The following IL2RA variants were observed in gnomAD, a reference collection of about 807,000 sequenced individuals.
The protein encoded by IL2RA is interleukin-2 receptor subunit alpha.
Under a neutral mutation model 37.8 loss-of-function variants are expected in IL2RA, and 24 were observed. The observed-to-expected ratio is 0.63, with a 90% CI of 0.46 to 0.89. IL2RA has a LOEUF of 0.89. IL2RA is among the 40% of genes least tolerant of loss of function. The pLI, the probability that IL2RA is intolerant of heterozygous loss-of-function variation, is 0.00. For synonymous variants in IL2RA, 125 were observed against 114.6 expected, an observed-to-expected ratio of 1.09 and a Z score of -0.58; for missense variants, 319 against 348.6, an observed-to-expected ratio of 0.92 and a Z score of 0.68.
rs1031136196 is a variant in IL2RA, at chr10:6,022,792, C to A, written c.368-1099G>T. ...AAACTGAGACAATCTTTGAAACATC[C>A]CTCAGGCAGAGCCAGCCTTCGAGAA... On this transcript the variant is annotated intron_variant, in intron 3 of 7. Coordinates refer to ENST00000379959, the MANE Select transcript of IL2RA (RefSeq NM_000417.3). The surrounding 1 kb of genome is among the most constrained non-coding windows in gnomAD (Gnocchi z 4.7). Among the ~76,000 whole-genome samples the A allele has an allele frequency of 8.6e-6, 1 of 115,832 alleles. No homozygotes were observed. Among genetic ancestry groups the A allele is most frequent in the Admixed American group, 9.2e-5 (1 of 10,860 alleles). 76.0% of individuals were successfully genotyped at this position (115,832 alleles called of 152,430 possible).
intron 2 of IL2RA, 62 bp from the exon 3 acceptor site, chr10:6,024,416 C>A: frequency 8.3e-7 from 1 of 1,202,308 alleles, no homozygotes; most frequent in South Asian, 1.2e-5. Flanking sequence ...AAACACTGTT[C>A]ATGTATTCAT....
At position 6,060,630 on chromosome 10, in the gene IL2RA, A is replaced by T. The variant is rs1237794536; in HGVS notation, c.64+1458T>A. 2.6e-5 allele frequency among the ~76,000 whole-genome samples: 4 copies of T among 152,010 alleles called. No individual in the cohort carries two copies. The East Asian group carries it at 7.7e-4, about 29-fold the overall frequency. On this transcript the variant is annotated intron_variant, in intron 1 of 7. Transcript: ENST00000379959. ...ATTAGCTGGTCGTGGTGGTGCACGC[A>T]CCTGTAAACCTAGCTACTCAGGAGT... is the stretch of plus-strand genomic sequence containing the variant.
In IL2RA at chr10:6,058,947, G is replaced by T. The variant is rs1026104603; in HGVS notation, c.64+3141C>A. ...TAAATGGTGGCTTTGGAAATTTTCA[G>T]AATGAAAATCTGCCCTTATGAATCA... On this transcript the variant is annotated intron_variant, in intron 1 of 7. Coordinates refer to ENST00000379959, the MANE Select transcript of IL2RA (RefSeq NM_000417.3). The surrounding 1 kb of genome is among the most constrained non-coding windows in gnomAD (Gnocchi z 4.2). Among the ~76,000 whole-genome samples, 13 of 152,336 alleles carry T rather than the reference G, an allele frequency of 8.5e-5. No homozygotes were observed. The highest frequency in any genetic ancestry group is 2.9e-4 in the African/African-American group (12 of 41,562).
intron 1 of IL2RA, among the ~76,000 whole-genome samples, chr10:6,038,901 TAAATC>T (rs1303372859): frequency 4.6e-5 from 7 of 152,042 alleles, no homozygotes; most frequent in Non-Finnish European, 1.0e-4. Context: ...AAAACTTACT[TAAATC>T]AAAAGAAGGG....
intron 1 of IL2RA, among the ~76,000 whole-genome samples, chr10:6,026,342 A>G (rs1052310516): frequency 6.6e-6 from 1 of 152,230 alleles, no homozygotes; most frequent in African/African-American, 2.4e-5. Flanking sequence ...GGGTCAAGGA[A>G]TGTGAAGAAA....
rs532176979 is a variant in IL2RA at position 6,051,039 on chromosome 10, C to T, written c.64+11049G>A. Among the ~76,000 whole-genome samples, 13 of 150,810 alleles carry T rather than the reference C, an allele frequency of 8.6e-5. No homozygotes were observed. The South Asian group carries it at 2.7e-3, about 32-fold the overall frequency. ...TGTCTGGAGAGACGGCTCTTTTATTCTGAAACACCCCTCCAACTTTTTTTT... is the reference window on the plus strand; with the variant it reads ...TGTCTGGAGAGACGGCTCTTTTATTTTGAAACACCCCTCCAACTTTTTTTT... On this transcript the variant is annotated intron_variant, in intron 1 of 7. Transcript: ENST00000379959.
chr10:6,041,968 C>G (rs1430517171), intron 1 of IL2RA, among the ~76,000 whole-genome samples: 3 of 151,144 alleles, frequency 2.0e-5, no homozygotes, highest in African/African-American at 2.4e-5. Context: ...ATAAGAGAAA[C>G]TAGATCAAAA....
intron 7 of IL2RA, among the ~76,000 whole-genome samples, chr10:6,013,924 T>C (rs1051638675): frequency 1.3e-5 from 2 of 150,994 alleles, no homozygotes; most frequent in African/African-American, 4.9e-5. Flanking sequence ...CTTGAACTGC[T>C]GGACTCAAGG....
intron 1 of IL2RA, among the ~76,000 whole-genome samples, chr10:6,060,579 A>G (rs1014678288): frequency 6.6e-6 from 1 of 152,064 alleles, no homozygotes; most frequent in African/African-American, 2.4e-5. Flanking sequence ...ATATGGTGAA[A>G]CCCCATCTCT....
Position 6,012,431 on chromosome 10 carries a change from G to C in IL2RA, c.*441C>G, listed in dbSNP as rs1839204938. ...ACAATGTCCAGTTGTATAGGGTAGA[G>C]TGTGTGTGTTGTGTATTTACGTTAG... On this transcript the variant is annotated 3_prime_UTR_variant, in exon 8 of 8. Transcript: ENST00000379959. This position sits in a 1 kb window ranked among gnomAD's most constrained non-coding sequence, Gnocchi z 4.8. 1 of 238,168 alleles carries C rather than the reference G, an allele frequency of 4.2e-6. No individual in the cohort carries two copies. Among genetic ancestry groups the C allele is most frequent in the South Asian group, 6.4e-5 (1 of 15,710 alleles). The allele number at this position is 238,168 out of a possible 1,614,324, so 14.8% of individuals were successfully genotyped here. A position where few individuals can be genotyped will look rare whatever the true frequency, so the allele number is the denominator to read the frequency against.
rs1840055937 is a variant in IL2RA at position 6,056,988 on chromosome 10, G to A, written c.64+5100C>T. ...GGGCCTCTCTCCCTGGAATGTCACT[G>A]ATGGAAATTTACCAGTCCCTCAGGG... On this transcript the variant is annotated intron_variant, in intron 1 of 7. Coordinates refer to ENST00000379959, the MANE Select transcript of IL2RA (RefSeq NM_000417.3). The surrounding 1 kb of genome is among the most constrained non-coding windows in gnomAD (Gnocchi z 5.0). 6.6e-6 allele frequency among the ~76,000 whole-genome samples: 1 copy of A among 152,136 alleles called. No individual in the cohort carries two copies. The highest frequency in any genetic ancestry group is 2.4e-5 in the African/African-American group (1 of 41,410).
In IL2RA at chr10:6,011,224, T is replaced by G. The variant is rs1839186393; in HGVS notation, c.*1648A>C. The G allele has an allele frequency of 6.6e-6, 1 of 152,312 alleles. No homozygotes were observed. Among genetic ancestry groups the G allele is most frequent in the South Asian group, 2.1e-4 (1 of 4,830 alleles). 9.4% of individuals were successfully genotyped at this position (152,312 alleles called of 1,614,324 possible). A position where few individuals can be genotyped will look rare whatever the true frequency, so the allele number is the denominator to read the frequency against. On this transcript the variant is annotated 3_prime_UTR_variant, in exon 8 of 8. Transcript: ENST00000379959. The surrounding 1 kb of genome is among the most constrained non-coding windows in gnomAD (Gnocchi z 5.2). ...CTAGAATGTTGACTCAACTGATTCG[T>G]GAGGGGAGATCTTGCACCAGATATG...
Position 6,062,302 on chromosome 10 carries a change from C to T in IL2RA, c.-151G>A. ...GGGCTGTCACCCTTGTGGGTCCATC[C>T]AGTCTCTATCGGAGTCAGGAGTTGC... On this transcript the variant is annotated 5_prime_UTR_variant, in exon 1 of 8. Transcript: ENST00000379959. 2 of 666,288 alleles carry T rather than the reference C, an allele frequency of 3.0e-6. No homozygotes were observed. The highest frequency in any genetic ancestry group is 3.4e-5 in the South Asian group (2 of 58,866). The allele number at this position is 666,288 out of a possible 1,614,324, so 41.3% of individuals were successfully genotyped here. A position where few individuals can be genotyped will look rare whatever the true frequency, so the allele number is the denominator to read the frequency against.
chr10:6,036,737 T>A lies in IL2RA; in HGVS notation c.65-10712A>T, dbSNP rs530015816. 2.2e-4 allele frequency among the ~76,000 whole-genome samples: 34 copies of A among 152,266 alleles called. No individual in the cohort carries two copies. Among genetic ancestry groups the A allele is most frequent in the African/African-American group, 8.2e-4 (34 of 41,542 alleles). ...AATTTTTCCCTGAGCTATTTTTGTG[T>A]CCCTTGAGTTAACCAGAAATACCAA... is the stretch of plus-strand genomic sequence containing the variant. On this transcript the variant is annotated intron_variant, in intron 1 of 7. Transcript: ENST00000379959. The surrounding 1 kb of genome is among the most constrained non-coding windows in gnomAD (Gnocchi z 6.1).
At position 6,019,888 on chromosome 10, in the gene IL2RA, A is replaced by G; in HGVS notation, c.637T>C (p.Cys213Arg). The change falls in exon 5 of 8, where the codon TGC becomes CGC. Residue 213 changes from cysteine to arginine, a missense_variant. By Grantham distance (180) the Cys-to-Arg change is radical (BLOSUM62 -3). Coordinates refer to ENST00000379959, the MANE Select transcript of IL2RA (RefSeq NM_000417.3). ...CCCGCACCTGTTGTTGTGACGAGGC[A>G]GGAAGTCTCACTCTCAGGACGGCCT... ...PEGRPESETSCLVTTTDFQIQ... is the reference protein window; with the variant it reads ...PEGRPESETSRLVTTTDFQIQ... 1 of 1,614,120 alleles carries G rather than the reference A, an allele frequency of 6.2e-7. No individual in the cohort carries two copies. The highest frequency in any genetic ancestry group is 8.5e-7 in the Non-Finnish European group (1 of 1,179,960).
intron 1 of IL2RA, among the ~76,000 whole-genome samples, chr10:6,041,774 G>A (rs1274346882): frequency 1.3e-5 from 2 of 152,096 alleles, no homozygotes; most frequent in African/African-American, 4.8e-5. Flanking sequence ...CACATTATAT[G>A]CAGATATTTA....
intron 1 of IL2RA, among the ~76,000 whole-genome samples, chr10:6,030,898 T>C (rs1360213059): frequency 2.1e-4 from 32 of 152,032 alleles, no homozygotes; most frequent in Admixed American, 2.1e-3. Flanking sequence ...ATATAGAAAA[T>C]GGTACAATAT....
chr10:6,024,617 T>C (rs919300172), intron 2 of IL2RA, among the ~76,000 whole-genome samples: 1 of 146,914 alleles, frequency 6.8e-6, no homozygotes, highest in Non-Finnish European at 1.5e-5. Context: ...ATGTTACGTG[T>C]CTGTGTATGC....
In IL2RA at chr10:6,021,360, G is replaced by A; in HGVS notation, c.583+118C>T. On this transcript the variant is annotated intron_variant, in intron 4 of 7. Transcript: ENST00000379959. This position sits in a 1 kb window ranked among gnomAD's most constrained non-coding sequence, Gnocchi z 4.9. ...GAATGAGAAAAAATGGAAGCCCAGG[G>A]AGATCAAGGGTCTTGTCCAAGGACC... is the stretch of plus-strand genomic sequence containing the variant. The A allele has an allele frequency of 1.1e-6, 1 of 872,816 alleles. No individual in the cohort carries two copies. Among genetic ancestry groups the A allele is most frequent in the Non-Finnish European group, 1.9e-6 (1 of 519,152 alleles). The allele number at this position is 872,816 out of a possible 1,614,324, so 54.1% of individuals were successfully genotyped here.
Sources: gnomAD v4.1 joint callset for allele counts (sites outside exome capture counted in the v4.1 genomes callset) on GRCh38, gnomAD v4.1.1 for gene constraint, Gnocchi (gnomAD v3.1) non-coding constraint, MANE v1.5 for transcripts, NCBI Gene and HGNC (gene_info 2026-07-23, HGNC 2026-07-21) for gene names.